The following CORO1C variants were observed in gnomAD, a reference collection of about 807,000 sequenced individuals.
CORO1C encodes coronin 1C.
Under a neutral mutation model 51.2 loss-of-function variants are expected in CORO1C, and 14 were observed. The observed-to-expected ratio is 0.27, with a 90% CI of 0.18 to 0.43. The LOEUF (loss-of-function observed/expected upper bound fraction) is 0.43. Ranked by LOEUF, CORO1C falls within the 20% of genes least tolerant of loss-of-function variation. The pLI is 1.00. For synonymous variants in CORO1C, 181 were observed against 210.5 expected, an observed-to-expected ratio of 0.86 and a Z score of 1.21; for missense variants, 417 against 607.8, an observed-to-expected ratio of 0.69 and a Z score of 3.30.
At chr12:108,668,959 C>T (rs1186806141) in intron 3 of CORO1C, among the ~76,000 whole-genome samples, 3 of 152,218 alleles carry the variant, frequency 2.0e-5, no homozygotes, top group Non-Finnish European at 4.4e-5. Flanking sequence ...AAAGAACTCA[C>T]AGAGCCAAAA....
At chr12:108,685,319 G>C (rs576698053) in intron 2 of CORO1C, among the ~76,000 whole-genome samples, 261 of 152,116 alleles carry the variant, frequency 1.7e-3, no homozygotes, top group African/African-American at 6.0e-3. Context: ...ATTTTCTCTG[G>C]AACCTGAATG....
intron 4 of CORO1C, among the ~76,000 whole-genome samples, chr12:108,661,390 T>C (rs1172821167): frequency 1.3e-5 from 2 of 152,180 alleles, no homozygotes; most frequent in East Asian, 3.8e-4. Flanking sequence ...TACCACCAAG[T>C]GCAGAAAGCA....
chr12:108,679,868 T>C (rs75568220), intron 2 of CORO1C, among the ~76,000 whole-genome samples: 1,561 of 152,364 alleles, frequency 0.01, 31 homozygotes, highest in African/African-American at 0.035. Context: ...TTAACAATGA[T>C]ACTTATTAAC....
intron 3 of CORO1C, among the ~76,000 whole-genome samples, chr12:108,674,324 G>A (rs1208402423): frequency 2.6e-5 from 4 of 152,122 alleles, no homozygotes; most frequent in Admixed American, 6.5e-5. Flanking sequence ...CAAGGCGGGC[G>A]GATCGCGAGA....
chr12:108,680,112 G>A (rs1488157162), intron 2 of CORO1C, among the ~76,000 whole-genome samples: 3 of 152,206 alleles, frequency 2.0e-5, no homozygotes, highest in Non-Finnish European at 4.4e-5. Flanking sequence ...GAGTGCTGGA[G>A]ATACAGACGT....
chr12:108,679,311 C>A (rs896892870), intron 2 of CORO1C, among the ~76,000 whole-genome samples: 1 of 152,090 alleles, frequency 6.6e-6, no homozygotes, highest in Non-Finnish European at 1.5e-5. Context: ...TTAGACCTCA[C>A]CCATTAGCCA....
chr12:108,648,542 A>G lies in CORO1C; in HGVS notation c.1305+63T>C, dbSNP rs552641527. The stretch of plus-strand genomic sequence containing the variant: ...AGTACTCGCCGACGCCCTGGACCAC[A>G]AGGGCTTTCTAGAGGATAAAGCCTG... On this transcript the variant is annotated intron_variant, in intron 10 of 10. Transcript: ENST00000261401. The G allele has an allele frequency of 5.6e-6, 9 of 1,603,234 alleles. No individual in the cohort carries two copies. The African/African-American group carries it at 8.0e-5, about 14-fold the overall frequency.
intron 10 of CORO1C, 28 bp from the exon 11 acceptor site, chr12:108,647,550 A>C (rs139157556): frequency 4.3e-5 from 67 of 1,550,830 alleles, no homozygotes; most frequent in Non-Finnish European, 5.8e-5. Context: ...GGAGGCAGTG[A>C]TTAAAATGCA....
intron 1 of CORO1C, chr12:108,701,925 A>G (rs1366848726): frequency 1.2e-5 from 2 of 160,096 alleles, no homozygotes; most frequent in East Asian, 3.7e-4. Flanking sequence ...AAAGCCTTCT[A>G]ATCTCCTTCT....
rs756569073 is a variant in CORO1C at position 108,658,756 on chromosome 12, C to G, written c.612G>C (p.Arg204Ser). ...TACTCACAGCAACAATCTCTTGTTT[C>G]CTGGGATCAATGACTCTCACTTTCT... ...KDKKVRVIDP[R>S]KQEIVAEKEK... The change falls in exon 5 of 11, where the codon AGG becomes AGC. Residue 204 changes from arginine to serine, a missense_variant. Transcript: ENST00000261401. This position sits in a 1 kb window ranked among gnomAD's most constrained non-coding sequence, Gnocchi z 4.9. The G allele has an allele frequency of 6.2e-7, 1 of 1,610,204 alleles. No individual in the cohort carries two copies. The highest frequency in any genetic ancestry group is 1.1e-5 in the South Asian group (1 of 91,000).
Position 108,645,979 on chromosome 12 carries a change from G to A in CORO1C, c.*1424C>T, listed in dbSNP as rs906496313. 9.2e-5 allele frequency: 14 copies of A among 152,236 alleles called. No homozygotes were observed. Among genetic ancestry groups the A allele is most frequent in the Non-Finnish European group, 1.8e-4 (12 of 68,060 alleles). The allele number at this position is 152,236 out of a possible 1,614,324, so 9.4% of individuals were successfully genotyped here. On this transcript the variant is annotated 3_prime_UTR_variant, in exon 11 of 11. Coordinates refer to ENST00000261401, the MANE Select transcript of CORO1C (RefSeq NM_014325.4). ...CAGAGCTCAGTCTCTGGCCCCCTCC[G>A]AGTCCGGGGAGCCTCTGTGCTTTGA...
Position 108,701,171 on chromosome 12 carries a change from T to C in CORO1C, c.148A>G (p.Ile50Val), listed in dbSNP as rs760283072. ...AVNPRFVAII[I>V]EASGGGAFLV... The stretch of plus-strand genomic sequence containing the variant: ...AACGCTCCTCCCCCACTTGCCTCTA[T>C]GATTATGGCAACAAATCTGGGATTG... Residue 50 changes from isoleucine (I) to valine (V), a missense_variant, in exon 2 of 11, where the codon ATA (isoleucine) becomes GTA (valine). Ile to Val is a conservative substitution (Grantham distance 29, BLOSUM62 3). Coordinates refer to ENST00000261401, the MANE Select transcript of CORO1C (RefSeq NM_014325.4). 3.7e-6 allele frequency: 6 copies of C among 1,614,178 alleles called. No individual in the cohort carries two copies. The highest frequency in any genetic ancestry group is 5.1e-6 in the Non-Finnish European group (6 of 1,180,016).
intron 2 of CORO1C, among the ~76,000 whole-genome samples, chr12:108,684,994 A>G (rs189931340): frequency 9.9e-4 from 150 of 152,262 alleles, no homozygotes; most frequent in Admixed American, 4.9e-3. Context: ...ATGGCCAACT[A>G]TAGTACTGAG....
In CORO1C at chr12:108,649,026, G is replaced by A. The variant is rs778840269; in HGVS notation, c.1002-6C>T. On this transcript the variant is annotated splice_region_variant and splice_polypyrimidine_tract_variant and intron_variant, in intron 8 of 10. Transcript: ENST00000261401. ...TCTCATGAAGTTTGAAGAATCTTCA[G>A]AGGGGAAATAAAGGCAAAGTTGCAT... The A allele has an allele frequency of 1.2e-6, 2 of 1,613,954 alleles. No individual in the cohort carries two copies. The highest frequency in any genetic ancestry group is 2.7e-5 in the African/African-American group (2 of 74,932).
rs1367570954 is a variant in CORO1C at position 108,658,190 on chromosome 12, T to TTATA, written c.630+547_630+548insTATA. On this transcript the variant is annotated intron_variant, in intron 5 of 10. Transcript: ENST00000261401. The surrounding 1 kb of genome is among the most constrained non-coding windows in gnomAD (Gnocchi z 4.9). ...ACTTGTTGCTTTTCGCCCTGCGCAT[T>TTATA]TATTTATTTATTTATTTATTTATTT... 1.3e-5 allele frequency among the ~76,000 whole-genome samples: 2 copies of TTATA among 150,948 alleles called. No individual in the cohort carries two copies. The highest frequency in any genetic ancestry group is 4.9e-5 in the African/African-American group (2 of 41,210).
chr12:108,684,370 A>C (rs1041944775), intron 2 of CORO1C, among the ~76,000 whole-genome samples: 2 of 152,216 alleles, frequency 1.3e-5, no homozygotes, highest in South Asian at 4.1e-4. Flanking sequence ...TTTCAAGAGC[A>C]ATTTGGTAAC....
intron 3 of CORO1C, among the ~76,000 whole-genome samples, chr12:108,672,992 C>A (rs1383544767): frequency 1.3e-5 from 2 of 152,140 alleles, no homozygotes; most frequent in African/African-American, 4.8e-5. Flanking sequence ...GACATAACAA[C>A]ATTGAAATTA....
At chr12:108,716,515 G>A (rs570892322) in intron 1 of CORO1C, among the ~76,000 whole-genome samples, 1 of 152,226 alleles carries the variant, frequency 6.6e-6, no homozygotes, top group East Asian at 1.9e-4. Context: ...GAGATTAAAT[G>A]GATTAAATGA....
At chr12:108,651,097 AC>A (rs2032627816) in intron 8 of CORO1C, among the ~76,000 whole-genome samples, 1 of 152,228 alleles carries the variant, frequency 6.6e-6, no homozygotes, top group Non-Finnish European at 1.5e-5. Context: ...GATTACAGGC[AC>A]CCACGACCAC....
Sources: gnomAD v4.1 joint callset for allele counts (sites outside exome capture counted in the v4.1 genomes callset) on GRCh38, gnomAD v4.1.1 for gene constraint, Gnocchi (gnomAD v3.1) non-coding constraint, MANE v1.5 for transcripts, NCBI Gene and HGNC (gene_info 2026-07-23, HGNC 2026-07-21) for gene names.